Variants in CLDN16 observed in about 807,000 individuals in gnomAD.
CLDN16 encodes claudin 16.
In CLDN16, 13 loss-of-function variants were observed where a neutral mutation model predicts 24.6. That is an observed-to-expected ratio of 0.53 (90% CI 0.34 to 0.84). CLDN16 has a LOEUF of 0.84. Among genes scored for constraint, CLDN16 ranks in the 40% least tolerant of loss-of-function variants. The pLI is 0.01. For missense variants in CLDN16, 298 were observed against 292.7 expected, an observed-to-expected ratio of 1.02 and a Z score of -0.13; for synonymous variants, 116 against 106.7, an observed-to-expected ratio of 1.09 and a Z score of -0.54.
At chr3:190,400,101 CCACTGGTATAGAA>C (rs1346922400) in intron 1 of CLDN16, among the ~76,000 whole-genome samples, 3 of 152,124 alleles carry the variant, frequency 2.0e-5, no homozygotes, top group Admixed American at 6.5e-5. Flanking sequence ...AGGTTGAAGA[CCACTGGTATAGAA>C]CACTGGAACT....
chr3:190,362,010 A>AACCTG (rs1717898514), intron 1 of CLDN16, among the ~76,000 whole-genome samples: 1 of 149,842 alleles, frequency 6.7e-6, no homozygotes, highest in African/African-American at 2.5e-5. Flanking sequence ...TGGTCTAACC[A>AACCTG]GTCTAACCTG....
At chr3:190,309,428 A>G in the CLDN16 span, among the ~76,000 whole-genome samples, 13 of 152,264 alleles carry the variant, frequency 8.5e-5, no homozygotes, top group African/African-American at 2.9e-4. Context: ...TATCTCTCCA[A>G]ACACTGAGGT....
At chr3:190,327,379 C>T (rs1037781101) in intron 1 of CLDN16, among the ~76,000 whole-genome samples, 2 of 152,180 alleles carry the variant, frequency 1.3e-5, no homozygotes, top group Non-Finnish European at 2.9e-5. Flanking sequence ...AACATGTGGA[C>T]ACCATAGCCT....
upstream of CLDN16, among the ~76,000 whole-genome samples, chr3:190,386,994 T>A (rs1351833579): frequency 6.6e-6 from 1 of 152,204 alleles, no homozygotes; most frequent in Non-Finnish European, 1.5e-5. Context: ...AAAATAAGAA[T>A]CTTAGTAGCT....
chr3:190,388,264 C>A lies in CLDN16; in HGVS notation c.-66C>A. 1 of 1,609,606 alleles carries A rather than the reference C, an allele frequency of 6.2e-7. No homozygotes were observed. Among genetic ancestry groups the A allele is most frequent in the East Asian group, 2.2e-5 (1 of 44,862 alleles). The stretch of plus-strand genomic sequence containing the variant: ...ACCAGAAACACAGAAGACTGACACC[C>A]GCCACTTAAGTGGGGCCAGGGCTGG... On this transcript the variant is annotated 5_prime_UTR_variant, in exon 1 of 5. Coordinates refer to ENST00000264734, the MANE Select transcript of CLDN16 (RefSeq NM_006580.4).
In CLDN16 at chr3:190,327,160, C is replaced by T. The variant is rs533989261; in HGVS notation, n.121+4499C>T. On this transcript the variant is annotated intron_variant and non_coding_transcript_variant, in intron 1 of 4. Coordinates refer to the CLDN16 transcript ENST00000468220. ...AACATTCGTAAAGTGTTCCAGCAGGCGGAAGACTTGAATAAGAGTTGACTT... is the reference window on the plus strand; with the variant it reads ...AACATTCGTAAAGTGTTCCAGCAGGTGGAAGACTTGAATAAGAGTTGACTT... Among the ~76,000 whole-genome samples the T allele has an allele frequency of 2.0e-5, 3 of 152,170 alleles. No individual in the cohort carries two copies. In the South Asian group the frequency reaches 6.2e-4, roughly 32 times the overall value.
chr3:190,394,737 G>T (rs897657878), intron 1 of CLDN16, among the ~76,000 whole-genome samples: 1 of 152,136 alleles, frequency 6.6e-6, no homozygotes, highest in Non-Finnish European at 1.5e-5. Context: ...TTAATGATAT[G>T]AGGTGATTAT....
chr3:190,302,622 T>C, the CLDN16 span, among the ~76,000 whole-genome samples: 1 of 151,842 alleles, frequency 6.6e-6, no homozygotes, highest in African/African-American at 2.4e-5. Flanking sequence ...AATACAAAAA[T>C]TAGCTGGGCG....
Position 190,333,531 on chromosome 3 carries a change from CATCTATCTATCTATCT to C in CLDN16, n.121+10906_121+10921del, listed in dbSNP as rs71947568. On this transcript the variant is annotated intron_variant and non_coding_transcript_variant, in intron 1 of 4. Coordinates refer to the CLDN16 transcript ENST00000468220. ...GTAGCTAAAACAATTATCAGTCTATCATCTATCTATCTATCTATCTATCTATCTATCTATCTATCTA... is the reference window on the plus strand; with the variant it reads ...GTAGCTAAAACAATTATCAGTCTATCATCTATCTATCTATCTATCTATCTA... Among the ~76,000 whole-genome samples, 923 of 143,674 alleles carry C rather than the reference CATCTATCTATCTATCT, an allele frequency of 6.4e-3. 11 individuals carry two copies. The highest frequency in any genetic ancestry group is 0.026 in the East Asian group (123 of 4,708). 94.3% of individuals were successfully genotyped at this position (143,674 alleles called of 152,430 possible).
the CLDN16 span, among the ~76,000 whole-genome samples, chr3:190,303,712 C>T: frequency 6.6e-6 from 1 of 152,154 alleles, no homozygotes; most frequent in Non-Finnish European, 1.5e-5. Flanking sequence ...CCTGAACTCA[C>T]ATGGTTTGAT....
At chr3:190,347,838 C>A (rs1202122781) in intron 1 of CLDN16, among the ~76,000 whole-genome samples, 3 of 151,848 alleles carry the variant, frequency 2.0e-5, no homozygotes, top group African/African-American at 7.3e-5. Flanking sequence ...GATCTAAGTG[C>A]ACAAAAGCCC....
At chr3:190,300,421 C>T in the CLDN16 span, among the ~76,000 whole-genome samples, 12 of 152,122 alleles carry the variant, frequency 7.9e-5, no homozygotes, top group African/African-American at 2.7e-4. Context: ...CTCCTGCTTT[C>T]CTATTATCCA....
At chr3:190,333,673 A>G (rs1277296437) in intron 1 of CLDN16, among the ~76,000 whole-genome samples, 7 of 152,074 alleles carry the variant, frequency 4.6e-5, no homozygotes, top group Admixed American at 6.6e-5. Context: ...ACACTTACTA[A>G]AATCTTATCA....
chr3:190,358,209 T>G (rs182066472), intron 1 of CLDN16, among the ~76,000 whole-genome samples: 31 of 152,090 alleles, frequency 2.0e-4, no homozygotes, highest in Admixed American at 1.8e-3. Context: ...CTTTTTTTTC[T>G]TTTTCCCTCA....
upstream of CLDN16, among the ~76,000 whole-genome samples, chr3:190,320,784 T>G (rs1012848930): frequency 1.3e-5 from 2 of 152,180 alleles, no homozygotes; most frequent in Admixed American, 6.5e-5. Context: ...GCAGTCACGT[T>G]CATCTAGGCA....
intron 3 of CLDN16, among the ~76,000 whole-genome samples, chr3:190,379,699 A>G (rs1248768536): frequency 6.6e-6 from 1 of 152,116 alleles, no homozygotes; most frequent in Non-Finnish European, 1.5e-5. Flanking sequence ...AGTTGTTTAT[A>G]AGATGCTTCT....
intron 1 of CLDN16, 25 bp downstream of exon 1, chr3:190,388,468 A>G: frequency 6.2e-7 from 1 of 1,609,874 alleles, no homozygotes; most frequent in Non-Finnish European, 8.5e-7. Context: ...GCTTCTTTTC[A>G]TGATCCAGGC....
intron 1 of CLDN16, among the ~76,000 whole-genome samples, chr3:190,365,883 T>C (rs1718012747): frequency 6.6e-6 from 1 of 151,774 alleles, no homozygotes; most frequent in Non-Finnish European, 1.5e-5. Flanking sequence ...GAAGTGTTAG[T>C]ATATTCAAAG....
At chr3:190,349,547 C>G (rs1717627366) in intron 1 of CLDN16, among the ~76,000 whole-genome samples, 1 of 152,160 alleles carries the variant, frequency 6.6e-6, no homozygotes. Flanking sequence ...CATGTCTTTA[C>G]TTTTCCTGAG....
Sources: allele counts gnomAD v4.1 joint callset (sites outside exome capture counted in the v4.1 genomes callset), GRCh38; gene constraint gnomAD v4.1.1; transcripts MANE v1.5; gene names NCBI Gene and HGNC (gene_info 2026-07-23, HGNC 2026-07-21).